METTL24: variants seen among roughly 807,000 people sequenced by gnomAD.
METTL24 encodes methyltransferase like 24, also known as probable methyltransferase-like protein 24.
METTL24 carries 29 observed loss-of-function variants against 32.7 expected under a neutral mutation model. That is an observed-to-expected ratio of 0.89 (90% CI 0.66 to 1.21). METTL24 has a LOEUF of 1.21. Among genes scored for constraint, METTL24 ranks in the 50% most tolerant of loss-of-function variants. The pLI, the probability that METTL24 is intolerant of heterozygous loss-of-function variation, is 0.00. For missense variants in METTL24, 439 were observed against 468.1 expected, an observed-to-expected ratio of 0.94 and a Z score of 0.57; for synonymous variants, 163 against 179.5, an observed-to-expected ratio of 0.91 and a Z score of 0.73.
chr6:110,289,919 T>C (rs1189268745), intron 4 of METTL24, among the ~76,000 whole-genome samples: 1 of 152,110 alleles, frequency 6.6e-6, no homozygotes, highest in Non-Finnish European at 1.5e-5. Context: ...ATATAATTTA[T>C]ATACAAGGAA....
chr6:110,286,288 C>T (rs968251981), intron 4 of METTL24, among the ~76,000 whole-genome samples: 7 of 152,140 alleles, frequency 4.6e-5, no homozygotes, highest in African/African-American at 9.7e-5. Flanking sequence ...GTCCTTTCTA[C>T]GCACAGAGGT....
intron 1 of METTL24, among the ~76,000 whole-genome samples, chr6:110,357,041 G>A (rs1386844988): frequency 1.3e-5 from 2 of 152,148 alleles, no homozygotes; most frequent in Non-Finnish European, 2.9e-5. Flanking sequence ...TGGAGGTTGG[G>A]GTGGATGTCT....
Position 110,285,768 on chromosome 6 carries a change from A to G in METTL24, c.786+13154T>C, listed in dbSNP as rs546128469. Among the ~76,000 whole-genome samples, 102 of 152,334 alleles carry G rather than the reference A, an allele frequency of 6.7e-4. 2 individuals are homozygous for G. In the South Asian group the frequency reaches 0.02, roughly 30 times the overall value. Reference sequence around the variant, plus strand: ...AAGTCACACAAAGGGAAACGCAGGTAACTACATGGGCTTACAGCCCTCTGC... The same window carrying G: ...AAGTCACACAAAGGGAAACGCAGGTGACTACATGGGCTTACAGCCCTCTGC... On this transcript the variant is annotated intron_variant, in intron 4 of 4. Transcript: ENST00000338882.
intron 2 of METTL24, 89 bp from the exon 3 acceptor site, chr6:110,315,570 C>T: frequency 7.1e-7 from 1 of 1,417,226 alleles, no homozygotes; most frequent in Non-Finnish European, 9.8e-7. Context: ...TCCTTGAAAA[C>T]CGTAATAGGA....
chr6:110,340,361 G>T (rs946030592), intron 1 of METTL24, among the ~76,000 whole-genome samples: 1 of 152,148 alleles, frequency 6.6e-6, no homozygotes, highest in Non-Finnish European at 1.5e-5. Context: ...TCACACTGGG[G>T]CAGCTCTCAG....
intron 1 of METTL24, among the ~76,000 whole-genome samples, chr6:110,350,053 A>G (rs1772562631): frequency 6.6e-6 from 1 of 152,224 alleles, no homozygotes; most frequent in Non-Finnish European, 1.5e-5. Flanking sequence ...GGTACAATCC[A>G]AACTCTCATG....
At chr6:110,268,876 G>T (rs571169449) in intron 4 of METTL24, among the ~76,000 whole-genome samples, 2 of 152,178 alleles carry the variant, frequency 1.3e-5, no homozygotes, top group South Asian at 4.1e-4. Context: ...CTACACAGGG[G>T]TTCCTCCCTC....
Position 110,244,557 on chromosome 6 carries a change from GCGA to G in METTL24, c.*1386_*1388del, listed in dbSNP as rs1218286833. On this transcript the variant is annotated 3_prime_UTR_variant, in exon 5 of 5. Transcript: ENST00000338882. Reference sequence around the variant, plus strand: ...ATTGACTCACAGTTTAGCATGGCTGGCGAGGCCTCAGGAAACTTACAGTCGTGG... The same window carrying G: ...ATTGACTCACAGTTTAGCATGGCTGGGGCCTCAGGAAACTTACAGTCGTGG... Among the ~76,000 whole-genome samples the G allele has an allele frequency of 6.6e-6, 1 of 152,124 alleles. No individual in the cohort carries two copies. The highest frequency in any genetic ancestry group is 1.5e-5 in the Non-Finnish European group (1 of 68,032).
chr6:110,297,542 G>A (rs1021844635), intron 4 of METTL24, among the ~76,000 whole-genome samples: 18 of 152,040 alleles, frequency 1.2e-4, no homozygotes, highest in African/African-American at 4.3e-4. Flanking sequence ...TGAACACAAA[G>A]AATAAGTAGT....
intron 3 of METTL24, among the ~76,000 whole-genome samples, chr6:110,314,155 T>C (rs903488648): frequency 6.6e-6 from 1 of 152,076 alleles, no homozygotes; most frequent in Non-Finnish European, 1.5e-5. Flanking sequence ...GAATGTAGAC[T>C]CTAGAGGTGA....
chr6:110,297,078 G>A (rs549413662), intron 4 of METTL24, among the ~76,000 whole-genome samples: 1 of 152,250 alleles, frequency 6.6e-6, no homozygotes, highest in African/African-American at 2.4e-5. Context: ...AAACAAAAAA[G>A]GAGCAAATGC....
intron 1 of METTL24, among the ~76,000 whole-genome samples, chr6:110,356,756 G>A (rs540246826): frequency 6.6e-6 from 1 of 152,216 alleles, no homozygotes; most frequent in Non-Finnish European, 1.5e-5. Context: ...GCTTTCTTCT[G>A]GAAGATCTAA....
At chr6:110,317,949 G>A (rs1429631796) in intron 2 of METTL24, among the ~76,000 whole-genome samples, 3 of 152,066 alleles carry the variant, frequency 2.0e-5, no homozygotes, top group Admixed American at 2.0e-4. Context: ...TTTACTGGAG[G>A]CCTTTTGTAA....
At chr6:110,324,542 T>C (rs1273307259) in intron 1 of METTL24, among the ~76,000 whole-genome samples, 3 of 152,228 alleles carry the variant, frequency 2.0e-5, no homozygotes, top group Admixed American at 2.0e-4. Flanking sequence ...GCAGTGTGCC[T>C]AGAGTCAGTC....
In METTL24 at chr6:110,355,654, C is replaced by T. The variant is rs151100468; in HGVS notation, c.318+2301G>A. ...ATCTCCTCCAAGCTCTGGACTCACA[C>T]GTCCGGTTGCCTATTTGACATTTTC... On this transcript the variant is annotated intron_variant, in intron 1 of 4. Coordinates refer to ENST00000338882, the MANE Select transcript of METTL24 (RefSeq NM_001123364.3). 9.8e-5 allele frequency among the ~76,000 whole-genome samples: 15 copies of T among 152,334 alleles called. No individual in the cohort carries two copies. The East Asian group carries it at 2.9e-3, about 29-fold the overall frequency.
chr6:110,261,182 A>G (rs149538935), intron 4 of METTL24, among the ~76,000 whole-genome samples: 159 of 152,334 alleles, frequency 1.0e-3, no homozygotes, highest in African/African-American at 3.7e-3. Context: ...CAAATTGGAT[A>G]AAGAGTCAAG....
rs571306023 is a variant in METTL24, at chr6:110,319,948, G to A, written c.417+2826C>T. Among the ~76,000 whole-genome samples the A allele has an allele frequency of 2.6e-5, 4 of 152,154 alleles. No individual in the cohort carries two copies. In the South Asian group the frequency reaches 6.2e-4, roughly 24 times the overall value. On this transcript the variant is annotated intron_variant, in intron 2 of 4. Transcript: ENST00000338882. ...CCTAGGAAGCTTTCCCCATCCATCTGTCTCCCCCCTGTTAGAGAACACCCA... is the reference window on the plus strand; with the variant it reads ...CCTAGGAAGCTTTCCCCATCCATCTATCTCCCCCCTGTTAGAGAACACCCA...
At chr6:110,288,018 G>C (rs987122936) in intron 4 of METTL24, among the ~76,000 whole-genome samples, 1 of 152,178 alleles carries the variant, frequency 6.6e-6, no homozygotes, top group African/African-American at 2.4e-5. Context: ...ACAGAAATCA[G>C]ATACGATAGG....
chr6:110,248,474 A>G (rs1010897823), intron 4 of METTL24, among the ~76,000 whole-genome samples: 1 of 152,204 alleles, frequency 6.6e-6, no homozygotes, highest in Non-Finnish European at 1.5e-5. Flanking sequence ...AAGAATACTG[A>G]GTGCCTTAGG....
Sources: allele counts gnomAD v4.1 joint callset (sites outside exome capture counted in the v4.1 genomes callset), GRCh38; gene constraint gnomAD v4.1.1; transcripts MANE v1.5; gene names NCBI Gene and HGNC (gene_info 2026-07-23, HGNC 2026-07-21).